ARHGEF26: variants seen among roughly 807,000 people sequenced by gnomAD.
ARHGEF26 encodes Rho guanine nucleotide exchange factor (GEF) 26.
In ARHGEF26, 59 loss-of-function variants were observed where a neutral mutation model predicts 89.4. The observed-to-expected ratio is 0.66, with a 90% CI of 0.54 to 0.82. The LOEUF (loss-of-function observed/expected upper bound fraction) is 0.82, where lower values mean the gene tolerates loss of function less well. Among genes scored for constraint, ARHGEF26 ranks in the 40% least tolerant of loss-of-function variants. ARHGEF26 has a pLI of 0.00. For missense variants in ARHGEF26, 1,234 were observed against 1,085.6 expected (o/e 1.14, Z -1.92); for synonymous variants, 500 against 428.4 (o/e 1.17, Z -2.06).
chr3:154,214,345 G>A (rs1374261928), intron 9 of ARHGEF26, among the ~76,000 whole-genome samples: 3 of 152,202 alleles, frequency 2.0e-5, no homozygotes, highest in African/African-American at 7.2e-5. Context: ...TAAGCAGCCA[G>A]TAATCCAGGC....
chr3:154,207,933 G>A (rs1369017648), intron 9 of ARHGEF26, among the ~76,000 whole-genome samples: 2 of 152,180 alleles, frequency 1.3e-5, no homozygotes, highest in Admixed American at 1.3e-4. Flanking sequence ...ATGAGATCAT[G>A]TCCTTTGCAG....
chr3:154,138,106 A>G (rs962344063), intron 4 of ARHGEF26, among the ~76,000 whole-genome samples: 2 of 152,238 alleles, frequency 1.3e-5, no homozygotes, highest in African/African-American at 4.8e-5. Context: ...ACAGTGTTAT[A>G]ACTGCATTAA....
At chr3:154,155,915 T>C (rs1423865356) in intron 6 of ARHGEF26, among the ~76,000 whole-genome samples, 2 of 152,018 alleles carry the variant, frequency 1.3e-5, no homozygotes, top group Non-Finnish European at 2.9e-5. Context: ...ATAAAATGCT[T>C]TAAAGGAATA....
chr3:154,234,382 T>G (rs1404181115), intron 11 of ARHGEF26, among the ~76,000 whole-genome samples: 12 of 152,152 alleles, frequency 7.9e-5, no homozygotes, highest in Admixed American at 7.9e-4. Flanking sequence ...TGTACATGTT[T>G]AACAGCACCT....
chr3:154,132,300 T>G (rs755710742), intron 4 of ARHGEF26, among the ~76,000 whole-genome samples: 15 of 152,178 alleles, frequency 9.9e-5, no homozygotes, highest in Non-Finnish European at 1.8e-4. Context: ...TTTAACATAT[T>G]TGCTTCATTT....
chr3:154,256,706 GA>G lies in ARHGEF26; in HGVS notation c.*1237del, dbSNP rs1421099352. 6 of 1,330,134 alleles carry G rather than the reference GA, an allele frequency of 4.5e-6. No individual in the cohort carries two copies. The highest frequency in any genetic ancestry group is 5.7e-6 in the Non-Finnish European group (6 of 1,045,644). 82.4% of individuals were successfully genotyped at this position (1,330,134 alleles called of 1,614,324 possible). Reference sequence around the variant, plus strand: ...CACACTACAGTAATCTCAAGGAAGGGAAAATTAGGCCTTAAAAGATACCAAG... The same window carrying G: ...CACACTACAGTAATCTCAAGGAAGGGAAATTAGGCCTTAAAAGATACCAAG... On this transcript the variant is annotated 3_prime_UTR_variant, in exon 15 of 15. Coordinates refer to ENST00000465093, the MANE Select transcript of ARHGEF26 (RefSeq NM_015595.4).
At chr3:154,163,018 A>T (rs1440370297) in intron 6 of ARHGEF26, among the ~76,000 whole-genome samples, 1 of 152,164 alleles carries the variant, frequency 6.6e-6, no homozygotes, top group African/African-American at 2.4e-5. Context: ...TTATACCTTG[A>T]TTTAACCCAC....
chr3:154,212,398 TG>T (rs1715431825), intron 9 of ARHGEF26, among the ~76,000 whole-genome samples: 2 of 152,102 alleles, frequency 1.3e-5, no homozygotes, highest in African/African-American at 4.8e-5. Context: ...GCAGAATATT[TG>T]GAAAACTTAA....
chr3:154,220,461 T>TTAA, intron 10 of ARHGEF26, among the ~76,000 whole-genome samples: 1 of 152,300 alleles, frequency 6.6e-6, no homozygotes, highest in Admixed American at 6.5e-5. Context: ...CAAGGCTTAA[T>TTAA]GCCAGAGGTG....
At chr3:154,232,561 A>G (rs1163158667) in intron 11 of ARHGEF26, among the ~76,000 whole-genome samples, 1 of 152,094 alleles carries the variant, frequency 6.6e-6, no homozygotes, top group Non-Finnish European at 1.5e-5. Flanking sequence ...TTTGCAAAAC[A>G]TATAATTATC....
At chr3:154,227,365 G>A (rs1231244798) in intron 11 of ARHGEF26, among the ~76,000 whole-genome samples, 2 of 149,624 alleles carry the variant, frequency 1.3e-5, no homozygotes, top group African/African-American at 4.9e-5. Context: ...GCGTGATCTC[G>A]GCTCACTGCA....
At chr3:154,220,514 G>A (rs1716060514) in intron 10 of ARHGEF26, among the ~76,000 whole-genome samples, 1 of 152,184 alleles carries the variant, frequency 6.6e-6, no homozygotes, top group Non-Finnish European at 1.5e-5. Flanking sequence ...AAGGGCCTTA[G>A]AGCAGAAACA....
At chr3:154,167,274 G>A (rs1223681689) in intron 6 of ARHGEF26, among the ~76,000 whole-genome samples, 1 of 152,178 alleles carries the variant, frequency 6.6e-6, no homozygotes, top group Non-Finnish European at 1.5e-5. Context: ...GTAACAGTAA[G>A]CTTGACAAGC....
chr3:154,203,853 T>A (rs973886302), intron 9 of ARHGEF26, among the ~76,000 whole-genome samples: 1 of 151,864 alleles, frequency 6.6e-6, no homozygotes, highest in Non-Finnish European at 1.5e-5. Context: ...AATCTCTCTT[T>A]TTTTTTTTTT....
chr3:154,230,918 A>G (rs918240861), intron 11 of ARHGEF26, among the ~76,000 whole-genome samples: 2 of 152,194 alleles, frequency 1.3e-5, no homozygotes, highest in African/African-American at 4.8e-5. Context: ...CAGTGGCTCA[A>G]AGCTGTGCAG....
chr3:154,203,690 G>A (rs182567724), intron 9 of ARHGEF26, among the ~76,000 whole-genome samples: 27 of 152,144 alleles, frequency 1.8e-4, no homozygotes, highest in Middle Eastern at 3.4e-3. Context: ...TTAGCACGAA[G>A]GGATGTTGAA....
chr3:154,134,154 ACTTT>A (rs1411538124), intron 4 of ARHGEF26, among the ~76,000 whole-genome samples: 1 of 152,002 alleles, frequency 6.6e-6, no homozygotes, highest in Non-Finnish European at 1.5e-5. Flanking sequence ...GGATAGTTTG[ACTTT>A]CTTTCTTACT....
chr3:154,183,108 A>T (rs1382621508), intron 6 of ARHGEF26, among the ~76,000 whole-genome samples: 10 of 152,186 alleles, frequency 6.6e-5, no homozygotes, highest in Admixed American at 6.5e-4. Flanking sequence ...ACAGCTGAGG[A>T]GCTCACCTTG....
chr3:154,201,802 CTTT>C (rs1478543370), intron 9 of ARHGEF26, among the ~76,000 whole-genome samples: 1 of 152,200 alleles, frequency 6.6e-6, no homozygotes, highest in Admixed American at 6.5e-5. Context: ...TTAATGTCTT[CTTT>C]TGAGAAGTAT....
Sources: gnomAD v4.1 joint callset for allele counts (sites outside exome capture counted in the v4.1 genomes callset) on GRCh38, gnomAD v4.1.1 for gene constraint, MANE v1.5 for transcripts, NCBI Gene and HGNC (gene_info 2026-07-23, HGNC 2026-07-21) for gene names.